KCNG2: variants seen among roughly 807,000 people sequenced by gnomAD.
KCNG2 encodes the protein voltage-gated potassium channel regulatory subunit KCNG2.
A neutral mutation model predicts 12.3 loss-of-function variants in KCNG2; 7 were observed. That is an observed-to-expected ratio of 0.57 (90% CI 0.32 to 1.07). The LOEUF is 1.07. Ranked by LOEUF, KCNG2 falls within the 50% of genes least tolerant of loss-of-function variation. The pLI is 0.04. For missense variants in KCNG2, 703 were observed against 726.0 expected (o/e 0.97, Z 0.36); for synonymous variants, 414 against 351.4 (o/e 1.18, Z -1.99).
At chr18:79,819,890 C>T (rs995240350) in intron 1 of KCNG2, among the ~76,000 whole-genome samples, 8 of 152,232 alleles carry the variant, frequency 5.3e-5, no homozygotes, top group Admixed American at 4.6e-4. Context: ...GTAAGGTCCA[C>T]TCTGCTTTCT....
intron 3 of KCNG2, among the ~76,000 whole-genome samples, chr18:79,883,290 G>T (rs569736117): frequency 6.6e-6 from 1 of 152,212 alleles, no homozygotes; most frequent in African/African-American, 2.4e-5. Context: ...GCGGGGGGAA[G>T]CTGGGGGAGC....
chr18:79,884,191 C>G lies in KCNG2; in HGVS notation c.625-14849C>G, dbSNP rs1453793810. ...TCAGCTCCCCAGCACAGCACAGAAG[C>G]TGCAGGGGCTCCGTCCCCATGCCCC... On this transcript the variant is annotated intron_variant, in intron 3 of 3. Coordinates refer to ENST00000316249, the MANE Select transcript of KCNG2 (RefSeq NM_012283.2). The surrounding 1 kb of genome is among the most constrained non-coding windows in gnomAD (Gnocchi z 5.5). Among the ~76,000 whole-genome samples, 1 of 152,154 alleles carries G rather than the reference C, an allele frequency of 6.6e-6. No individual in the cohort carries two copies. Among genetic ancestry groups the G allele is most frequent in the Non-Finnish European group, 1.5e-5 (1 of 68,012 alleles).
chr18:79,823,649 G>C (rs150985974), intron 1 of KCNG2, among the ~76,000 whole-genome samples: 2 of 152,058 alleles, frequency 1.3e-5, no homozygotes, highest in East Asian at 1.9e-4. Flanking sequence ...GGGGTTTTTG[G>C]TCCTTCACCC....
At chr18:79,857,836 A>G (rs1979073669) in intron 2 of KCNG2, among the ~76,000 whole-genome samples, 1 of 152,020 alleles carries the variant, frequency 6.6e-6, no homozygotes, top group African/African-American at 2.4e-5. Flanking sequence ...TTAGTGTATT[A>G]ACAATGCTGT....
intron 2 of KCNG2, among the ~76,000 whole-genome samples, chr18:79,856,956 G>A (rs1979030361): frequency 7.6e-6 from 1 of 131,506 alleles, no homozygotes; most frequent in South Asian, 2.6e-4. Flanking sequence ...GCAGCTGATT[G>A]CTTTTGAATA....
At chr18:79,866,397 G>GTTTTGTGAGA (rs1599408352) in intron 3 of KCNG2, among the ~76,000 whole-genome samples, 2 of 125,240 alleles carry the variant, frequency 1.6e-5, no homozygotes, top group Non-Finnish European at 3.6e-5. Context: ...TGAGAGGTCT[G>GTTTTGTGAGA]GGTGCTGAGG....
chr18:79,899,841 C>A lies in KCNG2; in HGVS notation c.*25C>A. On this transcript the variant is annotated 3_prime_UTR_variant, in exon 4 of 4. Transcript: ENST00000316249. The stretch of plus-strand genomic sequence containing the variant: ...ACGCCTGCGCCGCCCACACGGAGAC[C>A]CCCTGCCCCCTCCAGCTGCAGCGTC... 7.6e-7 allele frequency: 1 copy of A among 1,319,270 alleles called. No individual in the cohort carries two copies. The allele number at this position is 1,319,270 out of a possible 1,614,324, so 81.7% of individuals were successfully genotyped here. A position where few individuals can be genotyped will look rare whatever the true frequency, so the allele number is the denominator to read the frequency against.
At chr18:79,828,068 C>A (rs948054449) in intron 1 of KCNG2, among the ~76,000 whole-genome samples, 13 of 152,014 alleles carry the variant, frequency 8.6e-5, no homozygotes, top group African/African-American at 2.7e-4. Flanking sequence ...GGATTACAGG[C>A]ACGCACCAAC....
At chr18:79,833,078 C>T (rs1568250322) in intron 1 of KCNG2, among the ~76,000 whole-genome samples, 2 of 152,152 alleles carry the variant, frequency 1.3e-5, no homozygotes, top group African/African-American at 4.8e-5. Context: ...CTTCAGTGTT[C>T]CTCAAGCTCT....
intron 1 of KCNG2, among the ~76,000 whole-genome samples, chr18:79,826,072 G>A (rs1257022485): frequency 1.3e-5 from 2 of 152,280 alleles, no homozygotes; most frequent in African/African-American, 2.4e-5. Context: ...CCTGTGCCCT[G>A]CCGGCCGCCC....
chr18:79,814,977 T>G (rs72980015), intron 1 of KCNG2, among the ~76,000 whole-genome samples: 32 of 151,998 alleles, frequency 2.1e-4, no homozygotes, highest in African/African-American at 7.0e-4. Flanking sequence ...ATAAACAGAT[T>G]AGGGTCAGGA....
At chr18:79,869,097 C>T (rs1265191116) in intron 3 of KCNG2, among the ~76,000 whole-genome samples, 5 of 152,136 alleles carry the variant, frequency 3.3e-5, no homozygotes, top group African/African-American at 1.2e-4. Flanking sequence ...CTACACACAG[C>T]CCTGCAGACA....
chr18:79,829,111 A>G (rs1370594487), intron 1 of KCNG2, among the ~76,000 whole-genome samples: 3 of 115,020 alleles, frequency 2.6e-5, no homozygotes, highest in African/African-American at 1.0e-4. Flanking sequence ...TGTGTGTAAC[A>G]TGTCCATGAT....
chr18:79,867,589 C>T (rs922533366), intron 3 of KCNG2, among the ~76,000 whole-genome samples: 1 of 84,562 alleles, frequency 1.2e-5, no homozygotes, highest in Non-Finnish European at 2.3e-5. Flanking sequence ...CAGTGTGTGT[C>T]GTGTCTGGGG....
chr18:79,849,913 C>T (rs919328730), intron 1 of KCNG2, among the ~76,000 whole-genome samples: 1 of 147,118 alleles, frequency 6.8e-6, no homozygotes, highest in African/African-American at 2.6e-5. Context: ...CCCACCTGGC[C>T]GTGGGAGGAA....
At chr18:79,895,199 G>C (rs1980919898) in intron 3 of KCNG2, among the ~76,000 whole-genome samples, 1 of 151,426 alleles carries the variant, frequency 6.6e-6, no homozygotes, top group Admixed American at 6.6e-5. Flanking sequence ...CATTCATAAC[G>C]ATTTATATAG....
At chr18:79,824,223 T>C (rs545782642) in intron 1 of KCNG2, among the ~76,000 whole-genome samples, 1 of 152,378 alleles carries the variant, frequency 6.6e-6, no homozygotes, top group East Asian at 1.9e-4. Context: ...GATCTTGAAC[T>C]CCTGGACTCA....
intron 3 of KCNG2, among the ~76,000 whole-genome samples, chr18:79,881,869 C>T (rs867193617): frequency 6.6e-6 from 1 of 152,124 alleles, no homozygotes; most frequent in Non-Finnish European, 1.5e-5. Flanking sequence ...AAAGGACAGG[C>T]GTGGGGTCGT....
intron 3 of KCNG2, among the ~76,000 whole-genome samples, chr18:79,870,653 C>T (rs186104715): frequency 2.0e-4 from 30 of 152,324 alleles, no homozygotes; most frequent in Non-Finnish European, 5.9e-5. Flanking sequence ...CTTGTACATT[C>T]AGGCTGATTT....
Sources: gnomAD v4.1 joint callset for allele counts (sites outside exome capture counted in the v4.1 genomes callset) on GRCh38, gnomAD v4.1.1 for gene constraint, Gnocchi (gnomAD v3.1) non-coding constraint, MANE v1.5 for transcripts, NCBI Gene and HGNC (gene_info 2026-07-23, HGNC 2026-07-21) for gene names.